Variants in NAPG observed in about 807,000 individuals in gnomAD.
NAPG encodes the protein gamma-soluble NSF attachment protein.
Under a neutral mutation model 48.4 loss-of-function variants are expected in NAPG, and 25 were observed. The ratio of observed to expected loss-of-function variants is 0.52; its 90% CI spans 0.38 to 0.72. The LOEUF (loss-of-function observed/expected upper bound fraction) is 0.72, where lower values mean the gene tolerates loss of function less well. Ranked by LOEUF, NAPG falls within the 30% of genes least tolerant of loss-of-function variation. The pLI is 0.00. For synonymous variants in NAPG, 139 were observed against 127.2 expected, an observed-to-expected ratio of 1.09 and a Z score of -0.62; for missense variants, 359 against 372.5, an observed-to-expected ratio of 0.96 and a Z score of 0.30.
At chr18:10,536,602 T>C (rs1212872831) in intron 5 of NAPG, among the ~76,000 whole-genome samples, 1 of 152,194 alleles carries the variant, frequency 6.6e-6, no homozygotes, top group Non-Finnish European at 1.5e-5. Context: ...AGTATCAATA[T>C]TGTGGTTGGA....
intron 3 of NAPG, 188 bp downstream of exon 3, chr18:10,532,983 A>G (rs372940013): frequency 4.3e-5 from 23 of 536,450 alleles, no homozygotes; most frequent in African/African-American, 3.3e-4. Context: ...TAAGGTCCAC[A>G]CTGGTTCGCA....
intron 7 of NAPG, 126 bp from the exon 8 acceptor site, chr18:10,540,203 T>C: frequency 9.5e-7 from 1 of 1,055,102 alleles, no homozygotes; most frequent in Non-Finnish European, 1.4e-6. Context: ...AGTAGTGAAA[T>C]GAACTAGCAG....
At chr18:10,530,710 A>G (rs1402640047) in intron 1 of NAPG, 60 bp from the exon 2 acceptor site, 2 of 1,068,552 alleles carry the variant, frequency 1.9e-6, no homozygotes, top group African/African-American at 1.7e-5. Flanking sequence ...CATTACAAGC[A>G]GAGATCTGAC....
intron 1 of NAPG, 88 bp downstream of exon 1, chr18:10,526,246 G>GGGA: frequency 1.8e-5 from 9 of 490,182 alleles, no homozygotes; most frequent in Non-Finnish European, 2.9e-5. Flanking sequence ...GGGCGGGAGG[G>GGGA]AGGGCTCAGG....
At chr18:10,531,252 C>T (rs1301359087) in intron 2 of NAPG, among the ~76,000 whole-genome samples, 1 of 152,050 alleles carries the variant, frequency 6.6e-6, no homozygotes, top group African/African-American at 2.4e-5. Flanking sequence ...CATATGTTTG[C>T]TTGGTATTTT....
chr18:10,526,253 C>T (rs996881008), intron 1 of NAPG, 95 bp downstream of exon 1: 148 of 797,870 alleles, frequency 1.9e-4, no homozygotes, highest in Non-Finnish European at 2.8e-4. Flanking sequence ...AGGGAGGGCT[C>T]AGGGCTGAGG....
chr18:10,546,218 T>C lies in NAPG; in HGVS notation c.507-108T>C. On this transcript the variant is annotated intron_variant, in intron 8 of 11. Transcript: ENST00000322897. This position sits in a 1 kb window ranked among gnomAD's most constrained non-coding sequence, Gnocchi z 4.0. ...TCCTGGGGCAGCTGCTAATAATACC[T>C]GTCCTCCTGGTGTCTCTACAATCTA... is the stretch of plus-strand genomic sequence containing the variant. 2 of 578,872 alleles carry C rather than the reference T, an allele frequency of 3.5e-6. No homozygotes were observed. The highest frequency in any genetic ancestry group is 3.4e-5 in the East Asian group (1 of 29,072). The allele number at this position is 578,872 out of a possible 1,614,324, so 35.9% of individuals were successfully genotyped here. A position where few individuals can be genotyped will look rare whatever the true frequency, so the allele number is the denominator to read the frequency against.
chr18:10,527,201 A>AAAG (rs1555612340), intron 1 of NAPG, among the ~76,000 whole-genome samples: 52 of 149,632 alleles, frequency 3.5e-4, no homozygotes, highest in African/African-American at 8.5e-4. Flanking sequence ...AAAAAAAAAA[A>AAAG]AAAAGAAAAG....
chr18:10,533,472 G>C (rs889605991), intron 3 of NAPG, 64 bp from the exon 4 acceptor site: 1 of 1,402,926 alleles, frequency 7.1e-7, no homozygotes, highest in Non-Finnish European at 9.8e-7. Flanking sequence ...TTAAATAGTT[G>C]ATCTATAGAA....
chr18:10,538,601 G>GT (rs1371376383), intron 5 of NAPG, among the ~76,000 whole-genome samples: 1 of 152,118 alleles, frequency 6.6e-6, no homozygotes, highest in Non-Finnish European at 1.5e-5. Flanking sequence ...AAGGTTTTTG[G>GT]TTTTTTCTAT....
rs768038227 is a variant in NAPG, at chr18:10,540,395, C to T, written c.502C>T (p.Arg168Cys). ...GKASRLLVRG[R>C]RFDEAALSIQ... is the part of the protein sequence containing the mutation. Reference sequence around the variant, plus strand: ...AGCCTCCAGACTACTAGTACGAGGACGTAGGTATGTCTTTAAAAACTATTG... The same window carrying T: ...AGCCTCCAGACTACTAGTACGAGGATGTAGGTATGTCTTTAAAAACTATTG... The change falls in exon 8 of 12, where the codon CGT (arginine) becomes TGT (cysteine). Residue 168 changes from arginine to cysteine, a missense_variant. Physicochemically the swap from Arg to Cys is radical, Grantham distance 180. Coordinates refer to ENST00000322897, the MANE Select transcript of NAPG (RefSeq NM_003826.3). 9.3e-6 allele frequency: 15 copies of T among 1,611,850 alleles called. No homozygotes were observed. Among genetic ancestry groups the T allele is most frequent in the African/African-American group, 2.7e-5 (2 of 74,854 alleles).
Position 10,544,706 on chromosome 18 carries a change from G to C in NAPG, c.507-1620G>C, listed in dbSNP as rs919059732. Among the ~76,000 whole-genome samples the C allele has an allele frequency of 4.6e-5, 7 of 152,122 alleles. No individual in the cohort carries two copies. The highest frequency in any genetic ancestry group is 3.2e-3 in the Middle Eastern group (1 of 316). Reference sequence around the variant, plus strand: ...CAGGATGGCCCATCATATTCCGAGGGTCACACCTACACTTAAAGGGGGATT... The same window carrying C: ...CAGGATGGCCCATCATATTCCGAGGCTCACACCTACACTTAAAGGGGGATT... On this transcript the variant is annotated intron_variant, in intron 8 of 11. Coordinates refer to ENST00000322897, the MANE Select transcript of NAPG (RefSeq NM_003826.3). The surrounding 1 kb of genome is among the most constrained non-coding windows in gnomAD (Gnocchi z 5.1).
At chr18:10,526,443 T>C (rs1878737312) in intron 1 of NAPG, 1 of 445,076 alleles carries the variant, frequency 2.2e-6, no homozygotes, top group African/African-American at 2.1e-5. Context: ...GGCGAGGGCT[T>C]CTCTACTTGG....
rs1169854621 is a variant in NAPG, at chr18:10,543,998, AT to A, written c.507-2327del. ...ATTATGTCAAGGAAATAAACAGTTTATGCGTAAAGAATGCACCCTTTATAGT... is the reference window on the plus strand; with the variant it reads ...ATTATGTCAAGGAAATAAACAGTTTAGCGTAAAGAATGCACCCTTTATAGT... On this transcript the variant is annotated intron_variant, in intron 8 of 11. Coordinates refer to ENST00000322897, the MANE Select transcript of NAPG (RefSeq NM_003826.3). The surrounding 1 kb of genome is among the most constrained non-coding windows in gnomAD (Gnocchi z 4.4). Among the ~76,000 whole-genome samples the A allele has an allele frequency of 6.6e-6, 1 of 152,240 alleles. No homozygotes were observed. The highest frequency in any genetic ancestry group is 2.4e-5 in the African/African-American group (1 of 41,468).
At chr18:10,540,690 G>A (rs936792971) in intron 8 of NAPG, 3 of 265,520 alleles carry the variant, frequency 1.1e-5, no homozygotes, top group Non-Finnish European at 2.1e-5. Context: ...TCTGTTACTT[G>A]GTTGGATTAT....
In NAPG at chr18:10,526,232, G is replaced by T. The variant is rs540017741; in HGVS notation, c.56+74G>T. ...CTCACTGGCGCGGCCTTAGCACCCGGGGGGGGCGGGAGGGAGGGCTCAGGG... is the reference window on the plus strand; with the variant it reads ...CTCACTGGCGCGGCCTTAGCACCCGTGGGGGGCGGGAGGGAGGGCTCAGGG... On this transcript the variant is annotated intron_variant, in intron 1 of 11. Transcript: ENST00000322897. The T allele has an allele frequency of 1.2e-4, 117 of 939,568 alleles. No individual in the cohort carries two copies. In the East Asian group the frequency reaches 2.7e-3, roughly 22 times the overall value. The allele number at this position is 939,568 out of a possible 1,614,324, so 58.2% of individuals were successfully genotyped here.
In NAPG at chr18:10,543,810, AATAAGTAAC is replaced by A. The variant is rs1362558310; in HGVS notation, c.507-2515_507-2507del. Among the ~76,000 whole-genome samples the A allele has an allele frequency of 6.6e-6, 1 of 152,210 alleles. No individual in the cohort carries two copies. The highest frequency in any genetic ancestry group is 2.4e-5 in the African/African-American group (1 of 41,452). ...GTTGAAAGCATCTGTGTTTCATTAT[AATAAGTAAC>A]TAATACTTTTCTGGATACATTTAAA... On this transcript the variant is annotated intron_variant, in intron 8 of 11. Coordinates refer to ENST00000322897, the MANE Select transcript of NAPG (RefSeq NM_003826.3). This position sits in a 1 kb window ranked among gnomAD's most constrained non-coding sequence, Gnocchi z 4.4.
chr18:10,541,212 C>T (rs1279697984), intron 8 of NAPG, among the ~76,000 whole-genome samples: 2 of 152,170 alleles, frequency 1.3e-5, no homozygotes, highest in Non-Finnish European at 2.9e-5. Flanking sequence ...CTAGAATTAA[C>T]TATTAAACAA....
intron 1 of NAPG, 47 bp downstream of exon 1, chr18:10,526,205 C>A: frequency 7.0e-7 from 1 of 1,423,138 alleles, no homozygotes; most frequent in Non-Finnish European, 9.9e-7. Context: ...CCGGGTCCGT[C>A]TCTCACTGGC....
Sources: gnomAD v4.1 joint callset for allele counts (sites outside exome capture counted in the v4.1 genomes callset) on GRCh38, gnomAD v4.1.1 for gene constraint, Gnocchi (gnomAD v3.1) non-coding constraint, MANE v1.5 for transcripts, NCBI Gene and HGNC (gene_info 2026-07-23, HGNC 2026-07-21) for gene names.